The following ADCY10 variants were observed in gnomAD, a reference collection of about 807,000 sequenced individuals.
ADCY10 encodes adenylate cyclase type 10.
ADCY10 carries 156 observed loss-of-function variants against 183.3 expected under a neutral mutation model. The observed-to-expected ratio is 0.85, with a 90% CI of 0.75 to 0.97. The LOEUF is 0.97. ADCY10 is among the 50% of genes least tolerant of loss of function. The pLI, the probability that ADCY10 is intolerant of heterozygous loss-of-function variation, is 0.00. For missense variants in ADCY10, 1,745 were observed against 1,934.3 expected (o/e 0.90, Z 1.84); for synonymous variants, 645 against 670.0 (o/e 0.96, Z 0.58).
rs765553114 is a variant in ADCY10 at position 167,904,980 on chromosome 1, C to T, written c.148+13G>A. The T allele has an allele frequency of 6.2e-6, 10 of 1,614,184 alleles. No individual in the cohort carries two copies. Among genetic ancestry groups the T allele is most frequent in the South Asian group, 2.2e-5 (2 of 91,086 alleles). On this transcript the variant is annotated intron_variant, in intron 2 of 32. Coordinates refer to ENST00000367851, the MANE Select transcript of ADCY10 (RefSeq NM_018417.6). The stretch of plus-strand genomic sequence containing the variant: ...GCTCATCCACATTAAACAAACATCC[C>T]TTTTGCACTTGCCTGAAATATCAAC...
intron 14 of ADCY10, among the ~76,000 whole-genome samples, chr1:167,867,017 T>C (rs573620540): frequency 2.6e-5 from 4 of 152,238 alleles, no homozygotes; most frequent in Non-Finnish European, 5.9e-5. Flanking sequence ...AAGGACATCA[T>C]TAGCTAATGA....
At chr1:167,896,451 G>T in intron 7 of ADCY10, 144 bp downstream of exon 7, 1 of 750,206 alleles carries the variant, frequency 1.3e-6, no homozygotes. Flanking sequence ...CCGGAGAATG[G>T]GAAGTAGGTC....
At chr1:167,834,521 T>C in intron 23 of ADCY10, 1 of 249,484 alleles carries the variant, frequency 4.0e-6, no homozygotes, top group Non-Finnish European at 8.0e-6. Flanking sequence ...CCCCACTTCC[T>C]TTGCCAGGGT....
Position 167,880,044 on chromosome 1 carries a change from C to G in ADCY10, c.1216+71G>C, listed in dbSNP as rs1667757511. 13 of 1,363,288 alleles carry G rather than the reference C, an allele frequency of 9.5e-6. No individual in the cohort carries two copies. The Admixed American group carries it at 2.5e-4, about 26-fold the overall frequency. The allele number at this position is 1,363,288 out of a possible 1,614,324, so 84.4% of individuals were successfully genotyped here. ...CATGTCTCACTCATTTTTGTGCTTCCTCCCGCAAAGCCCAGTGGCAAGGTG... is the reference window on the plus strand; with the variant it reads ...CATGTCTCACTCATTTTTGTGCTTCGTCCCGCAAAGCCCAGTGGCAAGGTG... On this transcript the variant is annotated intron_variant, in intron 11 of 32. Coordinates refer to ENST00000367851, the MANE Select transcript of ADCY10 (RefSeq NM_018417.6).
chr1:167,864,570 G>A (rs1666543802), intron 14 of ADCY10, among the ~76,000 whole-genome samples: 1 of 151,590 alleles, frequency 6.6e-6, no homozygotes, highest in African/African-American at 2.4e-5. Context: ...AGAAACAGAG[G>A]CAAAAGGAAA....
At chr1:167,842,006 GC>G (rs925807532) in intron 21 of ADCY10, among the ~76,000 whole-genome samples, 3 of 152,214 alleles carry the variant, frequency 2.0e-5, no homozygotes, top group African/African-American at 7.2e-5. Context: ...CTGAAGGACA[GC>G]CCCCAGGAGG....
chr1:167,858,481 G>C (rs1571322665), intron 16 of ADCY10, among the ~76,000 whole-genome samples: 1 of 119,688 alleles, frequency 8.4e-6, no homozygotes, highest in Admixed American at 1.1e-4. Flanking sequence ...CTGGGCGACA[G>C]AGCGAGACTC....
rs1667625531 is a variant in ADCY10, at chr1:167,878,384, G to C, written c.1406+62C>G. On this transcript the variant is annotated intron_variant, in intron 12 of 32. Transcript: ENST00000367851. The stretch of plus-strand genomic sequence containing the variant: ...CAAATCTTAAATGGGTGACTGCTTT[G>C]CTATCATAATTCTCCCGCTTCTTTA... 1.9e-6 allele frequency: 3 copies of C among 1,558,334 alleles called. No homozygotes were observed. In the South Asian group the frequency reaches 3.3e-5, roughly 17 times the overall value.
intron 18 of ADCY10, 123 bp from the exon 19 acceptor site, chr1:167,848,612 A>G: frequency 9.1e-7 from 1 of 1,102,870 alleles, no homozygotes; most frequent in Non-Finnish European, 1.3e-6. Flanking sequence ...ATATTGGCTC[A>G]CCAAATATTC....
At chr1:167,839,867 A>G (rs1350400208) in intron 21 of ADCY10, among the ~76,000 whole-genome samples, 1 of 152,180 alleles carries the variant, frequency 6.6e-6, no homozygotes, top group Non-Finnish European at 1.5e-5. Context: ...AAAATAAATC[A>G]ATCAGTAAAA....
At chr1:167,912,327 G>T (rs1302704553) in intron 1 of ADCY10, among the ~76,000 whole-genome samples, 1 of 152,162 alleles carries the variant, frequency 6.6e-6, no homozygotes, top group Non-Finnish European at 1.5e-5. Flanking sequence ...GCAAATGAAG[G>T]CCATTAGAAA....
chr1:167,822,943 G>A, intron 29 of ADCY10, 65 bp downstream of exon 29: 10 of 1,414,326 alleles, frequency 7.1e-6, no homozygotes, highest in Middle Eastern at 1.8e-4. Flanking sequence ...CCTGAGAGCT[G>A]CCACACCACA....
chr1:167,837,285 ATC>A lies in ADCY10; in HGVS notation c.3039_3040del (p.Glu1013AspfsTer3), dbSNP rs2101923579. On this transcript the variant is annotated frameshift_variant, in exon 22 of 33. Coordinates refer to ENST00000367851, the MANE Select transcript of ADCY10 (RefSeq NM_018417.6). LOFTEE classifies it high-confidence loss of function. ...AGGAAAAAATGCAGATGTCTCAGGAATCTCTGAGTTGGACAAGATAAGCTTTT... is the reference window on the plus strand; with the variant it reads ...AGGAAAAAATGCAGATGTCTCAGGAATCTGAGTTGGACAAGATAAGCTTTT... The A allele has an allele frequency of 6.2e-7, 1 of 1,614,134 alleles. No homozygotes were observed. Among genetic ancestry groups the A allele is most frequent in the East Asian group, 2.2e-5 (1 of 44,880 alleles).
chr1:167,861,833 C>T (rs760035280), intron 14 of ADCY10, among the ~76,000 whole-genome samples: 12 of 152,162 alleles, frequency 7.9e-5, no homozygotes, highest in Non-Finnish European at 1.5e-4. Context: ...GTGATTGGAT[C>T]ATGAGGGCGG....
In ADCY10 at chr1:167,810,905, CT is replaced by C; in HGVS notation, c.4490del (p.Glu1497GlyfsTer20). Reference protein sequence around the residue: ...ASGEELLKNLENLVAQNTTGP... With the variant: ...ASGEELLKNLXNLVAQNTTGP... ...CAGTGGTATTTTGAGCCACCAGATT[CT>C]CCAAGTTCTAAAGAAAAAAAACCCA... On this transcript the variant is annotated frameshift_variant, in exon 32 of 33. Transcript: ENST00000367851. LOFTEE classifies it high-confidence loss of function. The C allele has an allele frequency of 6.2e-7, 1 of 1,614,102 alleles. No homozygotes were observed. Among genetic ancestry groups the C allele is most frequent in the Non-Finnish European group, 8.5e-7 (1 of 1,180,004 alleles).
intron 31 of ADCY10, among the ~76,000 whole-genome samples, chr1:167,812,210 C>T (rs888263913): frequency 2.3e-5 from 1 of 42,950 alleles, no homozygotes; most frequent in African/African-American, 4.2e-4. Flanking sequence ...CACCTCTCCC[C>T]GTCATTGCAA....
At chr1:167,859,304 T>G (rs74120515) in intron 16 of ADCY10, among the ~76,000 whole-genome samples, 1 of 152,194 alleles carries the variant, frequency 6.6e-6, no homozygotes, top group Non-Finnish European at 1.5e-5. Context: ...TGTTGAGTGT[T>G]TCTTATGAAA....
intron 28 of ADCY10, 33 bp from the exon 29 acceptor site, chr1:167,823,156 A>C (rs1663024535): frequency 6.3e-7 from 1 of 1,587,118 alleles, no homozygotes; most frequent in Non-Finnish European, 8.7e-7. Flanking sequence ...GCCATTAAAA[A>C]GTGGTGGATA....
At chr1:167,823,300 C>G (rs913318576) in intron 28 of ADCY10, among the ~76,000 whole-genome samples, 177 bp from the exon 29 acceptor site, 6 of 151,786 alleles carry the variant, frequency 4.0e-5, no homozygotes, top group African/African-American at 1.5e-4. Context: ...TGGCGGGCGC[C>G]TGTAATCCCA....
Sources: gnomAD v4.1 joint callset for allele counts (sites outside exome capture counted in the v4.1 genomes callset) on GRCh38, gnomAD v4.1.1 for gene constraint, MANE v1.5 for transcripts, NCBI Gene and HGNC (gene_info 2026-07-23, HGNC 2026-07-21) for gene names.